Variants in XXYLT1 observed in about 807,000 individuals in gnomAD.
XXYLT1 encodes the protein UDP-xylose:alpha-xyloside alpha-1,3-xylosyltransferase.
Under a neutral mutation model 28.9 loss-of-function variants are expected in XXYLT1, and 20 were observed. The ratio of observed to expected loss-of-function variants is 0.69; its 90% CI spans 0.49 to 1.00. XXYLT1 has a LOEUF of 1.00. XXYLT1 is among the 50% of genes least tolerant of loss of function. XXYLT1 has a pLI of 0.00. For synonymous variants in XXYLT1, 257 were observed against 253.8 expected, an observed-to-expected ratio of 1.01 and a Z score of -0.12; for missense variants, 542 against 560.1, an observed-to-expected ratio of 0.97 and a Z score of 0.33.
At chr3:195,149,942 A>C (rs1232575989) in intron 3 of XXYLT1, among the ~76,000 whole-genome samples, 8 of 152,166 alleles carry the variant, frequency 5.3e-5, no homozygotes, top group African/African-American at 1.7e-4. Flanking sequence ...TGTCTTCCAT[A>C]ATAGGAGGCA....
chr3:195,243,360 A>AAT (rs1004622977), intron 1 of XXYLT1, among the ~76,000 whole-genome samples: 9 of 137,804 alleles, frequency 6.5e-5, no homozygotes, highest in African/African-American at 2.3e-4. Flanking sequence ...AAAGTATAAT[A>AAT]AAAAAAAAAA....
intron 3 of XXYLT1, among the ~76,000 whole-genome samples, chr3:195,099,830 C>CAAAAAAAAAAAA (rs35428286): frequency 1.0e-5 from 1 of 97,222 alleles, no homozygotes; most frequent in African/African-American, 3.4e-5. Flanking sequence ...GACTCTGTCT[C>CAAAAAAAAAAAA]AAAAAAAAAA....
chr3:195,144,671 C>T (rs149715243), intron 3 of XXYLT1, among the ~76,000 whole-genome samples: 9 of 152,258 alleles, frequency 5.9e-5, no homozygotes, highest in East Asian at 1.9e-4. Flanking sequence ...CCACTGTGCC[C>T]GGCCAAACAG....
At chr3:195,093,573 T>G (rs1716234885) in intron 3 of XXYLT1, among the ~76,000 whole-genome samples, 1 of 150,140 alleles carries the variant, frequency 6.7e-6, no homozygotes, top group Non-Finnish European at 1.5e-5. Flanking sequence ...GGGATATACC[T>G]AATGCTAGAT....
rs1446277991 is a variant in XXYLT1 at position 195,168,957 on chromosome 3, G to A, written c.653-12376C>T. On this transcript the variant is annotated intron_variant, in intron 2 of 3. Coordinates refer to ENST00000310380, the MANE Select transcript of XXYLT1 (RefSeq NM_152531.5). This position sits in a 1 kb window ranked among gnomAD's most constrained non-coding sequence, Gnocchi z 4.3. ...TCTGATTCCACCCACTCCCTGTGCA[G>A]TTACCTACTTCTGGGAAACAAATCA... Among the ~76,000 whole-genome samples, 1 of 152,198 alleles carries A rather than the reference G, an allele frequency of 6.6e-6. No homozygotes were observed. Among genetic ancestry groups the A allele is most frequent in the Non-Finnish European group, 1.5e-5 (1 of 68,036 alleles).
chr3:195,179,550 G>T (rs1234465115), intron 2 of XXYLT1, among the ~76,000 whole-genome samples: 1 of 152,214 alleles, frequency 6.6e-6, no homozygotes, highest in African/African-American at 2.4e-5. Flanking sequence ...ACTGGCCAAA[G>T]AATCAGTCGG....
chr3:195,226,639 T>G (rs1724063192), intron 2 of XXYLT1, 70 bp downstream of exon 2: 4 of 1,559,248 alleles, frequency 2.6e-6, no homozygotes, highest in Non-Finnish European at 3.5e-6. Context: ...GCCTGGGCAG[T>G]GTTGGAACCA....
rs959729923 is a variant in XXYLT1, at chr3:195,173,045, C to T, written c.653-16464G>A. 8.6e-5 allele frequency among the ~76,000 whole-genome samples: 13 copies of T among 151,998 alleles called. No homozygotes were observed. The highest frequency in any genetic ancestry group is 2.1e-4 in the South Asian group (1 of 4,820). The stretch of plus-strand genomic sequence containing the variant: ...GGTTTGGCAGCCCCCCGGGGCTGAT[C>T]GACACCCCTACTTTCAAGACTTGGC... On this transcript the variant is annotated intron_variant, in intron 2 of 3. Transcript: ENST00000310380. The surrounding 1 kb of genome is among the most constrained non-coding windows in gnomAD (Gnocchi z 4.3).
rs1725467724 is a variant in XXYLT1, at chr3:195,256,088, C to G, written c.504+14467G>C. 6.6e-6 allele frequency among the ~76,000 whole-genome samples: 1 copy of G among 152,202 alleles called. No homozygotes were observed. The highest frequency in any genetic ancestry group is 1.5e-5 in the Non-Finnish European group (1 of 68,026). ...GGGAACCCTTCTGGTGGGGCCCCAG[C>G]TCTCACAGAGCATTCCTGGCTTTGG... On this transcript the variant is annotated intron_variant, in intron 1 of 3. Coordinates refer to ENST00000310380, the MANE Select transcript of XXYLT1 (RefSeq NM_152531.5). The surrounding 1 kb of genome is among the most constrained non-coding windows in gnomAD (Gnocchi z 4.2).
intron 3 of XXYLT1, among the ~76,000 whole-genome samples, chr3:195,126,446 A>G (rs1325594767): frequency 6.6e-6 from 1 of 152,218 alleles, no homozygotes; most frequent in East Asian, 1.9e-4. Context: ...GGGACTGTGT[A>G]CAACAGAGCA....
At chr3:195,204,299 C>A (rs1239742628) in intron 2 of XXYLT1, among the ~76,000 whole-genome samples, 2 of 151,034 alleles carry the variant, frequency 1.3e-5, no homozygotes. Flanking sequence ...GCTGAGATTG[C>A]ACCACTGCAC....
intron 3 of XXYLT1, among the ~76,000 whole-genome samples, chr3:195,118,625 C>T (rs1217042767): frequency 1.3e-5 from 2 of 150,370 alleles, no homozygotes; most frequent in Non-Finnish European, 3.0e-5. Flanking sequence ...GCAGCCTTCA[C>T]AGACTTGCCA....
At chr3:195,138,768 T>C (rs1256544780) in intron 3 of XXYLT1, among the ~76,000 whole-genome samples, 1 of 148,376 alleles carries the variant, frequency 6.7e-6, no homozygotes, top group Non-Finnish European at 1.5e-5. Context: ...GGCAGGAGAA[T>C]TGCTTGAACC....
intron 2 of XXYLT1, among the ~76,000 whole-genome samples, chr3:195,177,315 G>C (rs1577111896): frequency 6.6e-6 from 1 of 152,290 alleles, no homozygotes; most frequent in African/African-American, 2.4e-5. Flanking sequence ...CTCCAGAACA[G>C]GATCTGAAGG....
Position 195,069,675 on chromosome 3 carries a change from C to T in XXYLT1, c.*40G>A. ...CTGTCCCAAGGAACCCTGTCCTTCC[C>T]CCAGATCTGGAGGCCCCGGGGGCAA... On this transcript the variant is annotated 3_prime_UTR_variant, in exon 4 of 4. Transcript: ENST00000310380. 4.4e-6 allele frequency: 7 copies of T among 1,575,240 alleles called. No individual in the cohort carries two copies. Among genetic ancestry groups the T allele is most frequent in the Middle Eastern group, 1.7e-4 (1 of 5,828 alleles).
intron 3 of XXYLT1, 120 bp from the exon 4 acceptor site, chr3:195,070,231 C>G (rs1714725395): frequency 1.5e-6 from 2 of 1,302,622 alleles, no homozygotes; most frequent in Admixed American, 5.6e-5. Flanking sequence ...GGTGCAGAAT[C>G]CGCATCACTA....
intron 3 of XXYLT1, among the ~76,000 whole-genome samples, chr3:195,119,287 C>CAAAAAAAAAAAAAAAAA: frequency 9.1e-6 from 1 of 109,560 alleles, no homozygotes; most frequent in Non-Finnish European, 1.9e-5. Flanking sequence ...CCATCTCAAA[C>CAAAAAAAAAAAAAAAAA]AAAAAAAAAA....
intron 1 of XXYLT1, among the ~76,000 whole-genome samples, chr3:195,253,421 G>T (rs1725348253): frequency 6.6e-6 from 1 of 151,512 alleles, no homozygotes; most frequent in Non-Finnish European, 1.5e-5. Flanking sequence ...TTTTCATTTT[G>T]CATTTGCCTT....
chr3:195,112,489 G>C lies in XXYLT1; in HGVS notation c.786-42378C>G, dbSNP rs573740577. On this transcript the variant is annotated intron_variant, in intron 3 of 3. Transcript: ENST00000310380. ...ACCCACACACATGCACACACGCATG[G>C]ACACATGCACACACCCACACACACC... 1.7e-4 allele frequency among the ~76,000 whole-genome samples: 16 copies of C among 96,352 alleles called. 1 individual carries two copies. The East Asian group carries it at 3.7e-3, about 22-fold the overall frequency. The allele number at this position is 96,352 out of a possible 152,430, so 63.2% of individuals were successfully genotyped here.
Sources: gnomAD v4.1 joint callset for allele counts (sites outside exome capture counted in the v4.1 genomes callset) on GRCh38, gnomAD v4.1.1 for gene constraint, Gnocchi (gnomAD v3.1) non-coding constraint, MANE v1.5 for transcripts, NCBI Gene and HGNC (gene_info 2026-07-23, HGNC 2026-07-21) for gene names.